Variants in MED15 observed in about 807,000 individuals in gnomAD.
MED15 encodes the protein mediator complex subunit 15.
In MED15, 41 loss-of-function variants were observed where a neutral mutation model predicts 118.7. The observed-to-expected ratio is 0.35, with a 90% confidence interval of 0.27 to 0.45. The LOEUF is 0.45. MED15 is among the 20% of genes least tolerant of loss of function. MED15 has a pLI of 1.00. For synonymous variants in MED15, 436 were observed against 413.9 expected (o/e 1.05, Z -0.65); for missense variants, 740 against 1,025.5 (o/e 0.72, Z 3.80).
chr22:20,561,935 G>A (rs1261631222), intron 5 of MED15, among the ~76,000 whole-genome samples: 1 of 152,202 alleles, frequency 6.6e-6, no homozygotes, highest in African/African-American at 2.4e-5. Context: ...AGGCTGCAGT[G>A]AGCCATGATT....
Position 20,582,586 on chromosome 22 carries a change from G to A in MED15, c.1273-25G>A, listed in dbSNP as rs116529718. 9,428 of 1,537,710 alleles carry A rather than the reference G, an allele frequency of 6.1e-3. 416 individuals are homozygous for A. In the African/African-American group the frequency reaches 0.11, roughly 17 times the overall value. On this transcript the variant is annotated intron_variant, in intron 9 of 17. Coordinates refer to ENST00000263205, the MANE Select transcript of MED15 (RefSeq NM_001003891.3). ...CAGGCGGGCGGGCGTGTGGCAGCGCGCCGGCTGAGCCCCTCCACTTCCAGG... is the reference window on the plus strand; with the variant it reads ...CAGGCGGGCGGGCGTGTGGCAGCGCACCGGCTGAGCCCCTCCACTTCCAGG...
chr22:20,569,316 G>C (rs369928471), intron 8 of MED15, among the ~76,000 whole-genome samples: 1 of 152,196 alleles, frequency 6.6e-6, no homozygotes, highest in East Asian at 1.9e-4. Flanking sequence ...GTACAGTCTG[G>C]GGCTTCAGTT....
At chr22:20,562,948 G>T (rs1416483054) in intron 5 of MED15, among the ~76,000 whole-genome samples, 1 of 151,578 alleles carries the variant, frequency 6.6e-6, no homozygotes, top group African/African-American at 2.4e-5. Context: ...AGGCAGGAGG[G>T]TCACTTAAGC....
rs917653673 is a variant in MED15 at position 20,570,652 on chromosome 22, A to C, written c.1152+2021A>C. ...GTGATTCACCCGCCTCAGCCTCCCA[A>C]AGTGCTGGGATTATAGGCATGAGCC... On this transcript the variant is annotated intron_variant, in intron 8 of 17. Coordinates refer to ENST00000263205, the MANE Select transcript of MED15 (RefSeq NM_001003891.3). 3.4e-4 allele frequency among the ~76,000 whole-genome samples: 51 copies of C among 151,480 alleles called. 1 individual carries two copies. The highest frequency in any genetic ancestry group is 2.8e-3 in the Admixed American group (43 of 15,232).
rs1225688842 is a variant in MED15, at chr22:20,554,940, T to C, written c.243T>C (p.Pro81=). 4.4e-6 allele frequency: 7 copies of C among 1,603,368 alleles called. No individual in the cohort carries two copies. In the Admixed American group the frequency reaches 1.2e-4, roughly 27 times the overall value. ...NKKSQASVSD[P]MNALQSLTGG... is the part of the protein sequence containing the mutation. ...TCTGCCCTTGTGTTCCCACAGATCC[T>C]ATGAATGCACTCCAGAGCCTGACTG... The change falls in exon 5 of 18, where the codon CCT becomes CCC. Residue 81 remains proline, a synonymous_variant. Coordinates refer to ENST00000263205, the MANE Select transcript of MED15 (RefSeq NM_001003891.3).
At chr22:20,569,609 C>G (rs34157424) in intron 8 of MED15, among the ~76,000 whole-genome samples, 1 of 151,920 alleles carries the variant, frequency 6.6e-6, no homozygotes, top group Non-Finnish European at 1.5e-5. Context: ...TGCCTGCTAC[C>G]TCTTTTAAGT....
intron 14 of MED15, chr22:20,584,627 G>A: frequency 1.2e-6 from 1 of 804,804 alleles, no homozygotes; most frequent in Non-Finnish European, 1.9e-6. Context: ...CGGCCCCCGT[G>A]GGTGCCTCCT....
intron 5 of MED15, among the ~76,000 whole-genome samples, chr22:20,557,171 C>T (rs560115962): frequency 2.0e-4 from 30 of 152,268 alleles, no homozygotes; most frequent in Admixed American, 1.8e-3. Context: ...GTCAGTGTAG[C>T]AGCTGCTAAG....
chr22:20,559,280 A>G (rs1228310718), intron 5 of MED15, among the ~76,000 whole-genome samples: 3 of 152,364 alleles, frequency 2.0e-5, no homozygotes. Flanking sequence ...CAATATAATT[A>G]TTGAACGAAG....
chr22:20,579,750 T>A (rs1027106391), intron 9 of MED15, among the ~76,000 whole-genome samples: 2 of 152,064 alleles, frequency 1.3e-5, no homozygotes, highest in Non-Finnish European at 2.9e-5. Context: ...TGTTGATGTT[T>A]AGCGTGCCTG....
chr22:20,574,756 C>G (rs1024593832), intron 8 of MED15: 3 of 203,724 alleles, frequency 1.5e-5, no homozygotes, highest in African/African-American at 6.8e-5. Context: ...GAAACACCAG[C>G]TCAGGCCCTC....
chr22:20,578,018 A>G (rs1314013756), intron 9 of MED15, among the ~76,000 whole-genome samples: 1 of 151,998 alleles, frequency 6.6e-6, no homozygotes, highest in African/African-American at 2.4e-5. Context: ...TCCACCTCCC[A>G]GCTTCAAGCG....
At chr22:20,551,904 T>C (rs2055791633) in intron 3 of MED15, among the ~76,000 whole-genome samples, 1 of 152,190 alleles carries the variant, frequency 6.6e-6, no homozygotes, top group Admixed American at 6.5e-5. Context: ...GACTAGAAGC[T>C]TCTGAGGAGG....
chr22:20,544,208 A>G (rs886181645), intron 2 of MED15, among the ~76,000 whole-genome samples: 1 of 152,036 alleles, frequency 6.6e-6, no homozygotes, highest in Admixed American at 6.6e-5. Flanking sequence ...GTTCAAGGAA[A>G]CCTAGGCCTT....
In MED15 at chr22:20,586,743, A is replaced by G. The variant is rs1303716880; in HGVS notation, c.*39A>G. 6.2e-7 allele frequency: 1 copy of G among 1,607,168 alleles called. No individual in the cohort carries two copies. Among genetic ancestry groups the G allele is most frequent in the Non-Finnish European group, 8.5e-7 (1 of 1,178,352 alleles). ...GATGGCCCGCAGCCTCATCGGGGCC[A>G]AGGACACACGCCTCCTGTCAGACAC... On this transcript the variant is annotated 3_prime_UTR_variant, in exon 18 of 18. Transcript: ENST00000263205.
At chr22:20,582,513 T>C (rs749977597) in intron 9 of MED15, 98 bp from the exon 10 acceptor site, 12 of 1,514,986 alleles carry the variant, frequency 7.9e-6, no homozygotes, top group Middle Eastern at 2.1e-4. Context: ...GTGGTGAGGC[T>C]GTGCGGGAGG....
intron 7 of MED15, among the ~76,000 whole-genome samples, chr22:20,567,893 T>C (rs1320747095): frequency 6.6e-6 from 1 of 152,150 alleles, no homozygotes; most frequent in East Asian, 1.9e-4. Context: ...ACAGGGTCTC[T>C]GTTTTCCAGG....
intron 5 of MED15, among the ~76,000 whole-genome samples, chr22:20,561,113 C>G (rs1314303764): frequency 6.6e-6 from 1 of 151,900 alleles, no homozygotes; most frequent in Non-Finnish European, 1.5e-5. Flanking sequence ...GGAAATAATT[C>G]ATAAAATTTA....
At chr22:20,529,478 G>A (rs1295055556) in intron 1 of MED15, among the ~76,000 whole-genome samples, 2 of 152,176 alleles carry the variant, frequency 1.3e-5, no homozygotes, top group South Asian at 2.1e-4. Flanking sequence ...AGGCTGGAGT[G>A]CAATGGCTTG....
Sources: allele counts gnomAD v4.1 joint callset (sites outside exome capture counted in the v4.1 genomes callset), GRCh38; gene constraint gnomAD v4.1.1; transcripts MANE v1.5; gene names NCBI Gene and HGNC (gene_info 2026-07-23, HGNC 2026-07-21).